Variants in CACNA1E observed in about 807,000 individuals in gnomAD.
The protein encoded by CACNA1E is calcium voltage-gated channel subunit alpha1 E, also known as voltage-dependent R-type calcium channel subunit alpha-1E.
A neutral mutation model predicts 259.2 loss-of-function variants in CACNA1E; 40 were observed. That is an observed-to-expected ratio of 0.15 (90% CI 0.12 to 0.20). The LOEUF (loss-of-function observed/expected upper bound fraction) is 0.20. Among genes scored for constraint, CACNA1E ranks in the 10% least tolerant of loss-of-function variants. CACNA1E has a pLI of 1.00. For synonymous variants in CACNA1E, 1,104 were observed against 1,138.5 expected, an observed-to-expected ratio of 0.97 and a Z score of 0.61; for missense variants, 1,874 against 3,040.1, an observed-to-expected ratio of 0.62 and a Z score of 9.02.
intron 7 of CACNA1E, among the ~76,000 whole-genome samples, chr1:181,685,783 T>C (rs1650471096): frequency 6.6e-6 from 1 of 152,172 alleles, no homozygotes; most frequent in South Asian, 2.1e-4. Flanking sequence ...CTATATCTCA[T>C]AGTTTTATTA....
At chr1:181,787,859 G>T (rs1411096036) in intron 43 of CACNA1E, among the ~76,000 whole-genome samples, 1 of 152,200 alleles carries the variant, frequency 6.6e-6, no homozygotes, top group East Asian at 1.9e-4. Context: ...TTGGAGCATG[G>T]AGAGCTCAGG....
intron 34 of CACNA1E, 132 bp from the exon 35 acceptor site, chr1:181,766,414 C>T: frequency 1.5e-6 from 1 of 676,938 alleles, no homozygotes; most frequent in Non-Finnish European, 2.7e-6. Context: ...AGAACAACCC[C>T]AGGGAATAGG....
chr1:181,688,474 A>G (rs1650805429), intron 7 of CACNA1E, among the ~76,000 whole-genome samples: 1 of 152,208 alleles, frequency 6.6e-6, no homozygotes, highest in African/African-American at 2.4e-5. Flanking sequence ...GGACATTTGC[A>G]TGCTTAACTC....
rs1017403224 is a variant in CACNA1E, at chr1:181,386,764, C to T, written c.-14-26369C>T. 3.3e-5 allele frequency among the ~76,000 whole-genome samples: 5 copies of T among 152,160 alleles called. No homozygotes were observed. The East Asian group carries it at 9.6e-4, about 29-fold the overall frequency. On this transcript the variant is annotated intron_variant, in intron 1 of 11. Transcript: ENST00000524607. ...TCATATCCAGAATACAATCAAATTC[C>T]TCCTGCACCCCCATGTAGGCCCTTC...
At chr1:181,782,465 G>A (rs1342802313) in intron 39 of CACNA1E, among the ~76,000 whole-genome samples, 1 of 152,212 alleles carries the variant, frequency 6.6e-6, no homozygotes, top group Non-Finnish European at 1.5e-5. Context: ...ACACATCATA[G>A]TAATGTTTCC....
At chr1:181,430,462 A>C (rs1659634945) in intron 2 of CACNA1E, among the ~76,000 whole-genome samples, 1 of 152,134 alleles carries the variant, frequency 6.6e-6, no homozygotes, top group African/African-American at 2.4e-5. Flanking sequence ...GCAAGCACAA[A>C]GCACAGCTTC....
chr1:181,645,076 G>A (rs773242884), intron 6 of CACNA1E, among the ~76,000 whole-genome samples: 33 of 152,178 alleles, frequency 2.2e-4, no homozygotes, highest in African/African-American at 6.5e-4. Context: ...GGTGACAGCC[G>A]CGCAGGGAGG....
chr1:181,366,116 G>C (rs1571677096), intron 1 of CACNA1E, among the ~76,000 whole-genome samples: 1 of 152,304 alleles, frequency 6.6e-6, no homozygotes, highest in East Asian at 1.9e-4. Context: ...CCAGAGAACA[G>C]GACTCCCCTT....
upstream of CACNA1E, among the ~76,000 whole-genome samples, chr1:181,481,878 G>A (rs1403245575): frequency 6.6e-6 from 1 of 151,924 alleles, no homozygotes; most frequent in Non-Finnish European, 1.5e-5. Flanking sequence ...GAAAGTCCGT[G>A]GAGCTTATTT....
Position 181,798,986 on chromosome 1 carries a change from C to T in CACNA1E, c.*152C>T. ...CAGAGAAGAGGAAGTAAAGGACAAT[C>T]AGAACACCAGTCAAACCCACCAAAT... On this transcript the variant is annotated 3_prime_UTR_variant, in exon 48 of 48. Transcript: ENST00000367573. The surrounding 1 kb of genome is among the most constrained non-coding windows in gnomAD (Gnocchi z 4.2). 1 of 657,102 alleles carries T rather than the reference C, an allele frequency of 1.5e-6. No individual in the cohort carries two copies. Among genetic ancestry groups the T allele is most frequent in the Non-Finnish European group, 2.4e-6 (1 of 423,618 alleles). 40.7% of individuals were successfully genotyped at this position (657,102 alleles called of 1,614,324 possible).
At position 181,494,576 on chromosome 1, in the gene CACNA1E, C is replaced by G. The variant is rs184164852; in HGVS notation, c.266+10566C>G. Among the ~76,000 whole-genome samples the G allele has an allele frequency of 6.0e-4, 91 of 152,316 alleles. 1 individual carries two copies. Among genetic ancestry groups the G allele is most frequent in the African/African-American group, 2.2e-3 (90 of 41,566 alleles). ...CAAAGAACTAACATTCATTGAGCAT[C>G]TACCAAATTTCAGGCTCTACTTCAA... On this transcript the variant is annotated intron_variant, in intron 1 of 47. Coordinates refer to ENST00000367573, the MANE Select transcript of CACNA1E (RefSeq NM_001205293.3).
chr1:181,720,699 G>C, intron 14 of CACNA1E, 84 bp from the exon 15 acceptor site: 2 of 811,866 alleles, frequency 2.5e-6, no homozygotes, highest in Admixed American at 2.0e-5. Flanking sequence ...GAGAAAAGAA[G>C]TGATGAAAGC....
intron 1 of CACNA1E, among the ~76,000 whole-genome samples, chr1:181,373,603 T>C (rs1451103607): frequency 4.1e-5 from 6 of 146,558 alleles, no homozygotes; most frequent in African/African-American, 1.5e-4. Context: ...AGTGGCGCAA[T>C]CTCGGCTCAC....
At chr1:181,751,119 A>G (rs1363124458) in intron 26 of CACNA1E, among the ~76,000 whole-genome samples, 1 of 152,146 alleles carries the variant, frequency 6.6e-6, no homozygotes, top group East Asian at 1.9e-4. Context: ...GAAGAAAGAG[A>G]CAGAGCCTGA....
In CACNA1E at chr1:181,375,455, A is replaced by G. The variant is rs372241577; in HGVS notation, c.-14-37678A>G. On this transcript the variant is annotated intron_variant, in intron 1 of 11. Coordinates refer to the CACNA1E transcript ENST00000524607. ...TGGGGATATCTGATAGAGTCTGCTA[A>G]GAGGAGAAACTTGAGCTGGTTCCTG... Among the ~76,000 whole-genome samples, 477 of 152,322 alleles carry G rather than the reference A, an allele frequency of 3.1e-3. 3 individuals carry two copies. The highest frequency in any genetic ancestry group is 0.011 in the African/African-American group (466 of 41,586).
upstream of CACNA1E, among the ~76,000 whole-genome samples, chr1:181,481,668 C>T (rs1329189010): frequency 1.3e-5 from 2 of 152,130 alleles, no homozygotes; most frequent in South Asian, 2.1e-4. Context: ...ACACAGAAGA[C>T]GGTGTGCCCC....
chr1:181,754,707 G>T (rs1187307649), intron 27 of CACNA1E, among the ~76,000 whole-genome samples: 1 of 152,302 alleles, frequency 6.6e-6, no homozygotes, highest in East Asian at 1.9e-4. Context: ...AATCATAAAT[G>T]TATGAACTTG....
chr1:181,516,293 G>A (rs892745881), intron 3 of CACNA1E, among the ~76,000 whole-genome samples: 25 of 151,284 alleles, frequency 1.7e-4, no homozygotes, highest in African/African-American at 5.8e-4. Flanking sequence ...ACATCACCTA[G>A]CGTTTACCAT....
chr1:181,359,933 C>T (rs184311156), intron 1 of CACNA1E, among the ~76,000 whole-genome samples: 1 of 152,196 alleles, frequency 6.6e-6, no homozygotes, highest in African/African-American at 2.4e-5. Context: ...TGAATTCACA[C>T]TGGCAGTTGC....
Sources: allele counts gnomAD v4.1 joint callset (sites outside exome capture counted in the v4.1 genomes callset), GRCh38; gene constraint gnomAD v4.1.1; non-coding constraint Gnocchi (gnomAD v3.1); transcripts MANE v1.5; gene names NCBI Gene and HGNC (gene_info 2026-07-23, HGNC 2026-07-21).